Variants in SELENOI observed in about 807,000 individuals in gnomAD.
SELENOI encodes ethanolaminephosphotransferase 1.
A neutral mutation model predicts 50.7 loss-of-function variants in SELENOI; 24 were observed. The observed-to-expected ratio is 0.47, with a 90% CI of 0.34 to 0.67. The LOEUF is 0.67. SELENOI is among the 30% of genes least tolerant of loss of function. The pLI, the probability that SELENOI is intolerant of heterozygous loss-of-function variation, is 0.01. For synonymous variants in SELENOI, 155 were observed against 170.2 expected, an observed-to-expected ratio of 0.91 and a Z score of 0.70; for missense variants, 352 against 461.4, an observed-to-expected ratio of 0.76 and a Z score of 2.17.
At chr2:26,374,981 A>G in intron 5 of SELENOI, 59 bp from the exon 6 acceptor site, 1 of 1,142,072 alleles carries the variant, frequency 8.8e-7, no homozygotes, top group South Asian at 1.3e-5. Context: ...AAGCATGGTG[A>G]CTCCTGATCT....
intron 5 of SELENOI, 42 bp from the exon 6 acceptor site, chr2:26,374,998 C>A: frequency 1.5e-6 from 2 of 1,346,902 alleles, no homozygotes; most frequent in Non-Finnish European, 2.1e-6. Flanking sequence ...ATCTTTCTAG[C>A]GTTAATGCTT....
chr2:26,386,033 T>A (rs998484614), intron 8 of SELENOI, among the ~76,000 whole-genome samples: 5 of 152,010 alleles, frequency 3.3e-5, no homozygotes, highest in Admixed American at 3.3e-4. Context: ...TTTTTTTTTT[T>A]AACATATCGT....
intron 1 of SELENOI, among the ~76,000 whole-genome samples, chr2:26,355,641 G>A (rs570898108): frequency 1.4e-4 from 21 of 150,950 alleles, no homozygotes; most frequent in Admixed American, 4.0e-4. Context: ...TCCTCTCTCC[G>A]ACTTGTTAGA....
At chr2:26,365,439 C>T (rs1677267101) in intron 3 of SELENOI, among the ~76,000 whole-genome samples, 1 of 152,208 alleles carries the variant, frequency 6.6e-6, no homozygotes, top group South Asian at 2.1e-4. Flanking sequence ...TGCTCCTGCC[C>T]TCTGCTCCAA....
intron 9 of SELENOI, among the ~76,000 whole-genome samples, chr2:26,388,015 T>A (rs1677882582): frequency 1.3e-5 from 2 of 152,232 alleles, no homozygotes; most frequent in African/African-American, 2.4e-5. Context: ...CTTCCCTTAG[T>A]GTTTCTCTAC....
chr2:26,371,382 A>G (rs377258017), intron 4 of SELENOI, among the ~76,000 whole-genome samples: 60 of 113,254 alleles, frequency 5.3e-4, no homozygotes, highest in South Asian at 1.5e-3. Context: ...GACGATGGGC[A>G]GCCGGGCAGA....
chr2:26,368,617 G>A (rs1677339782), intron 4 of SELENOI, among the ~76,000 whole-genome samples: 1 of 152,022 alleles, frequency 6.6e-6, no homozygotes, highest in Non-Finnish European at 1.5e-5. Flanking sequence ...GTCCTACTGG[G>A]GAGTCTCTGA....
intron 1 of SELENOI, among the ~76,000 whole-genome samples, chr2:26,355,453 T>TG (rs1315416638): frequency 6.6e-6 from 1 of 152,220 alleles, no homozygotes; most frequent in Non-Finnish European, 1.5e-5. Flanking sequence ...TTCCATGTGT[T>TG]TGATATCCAA....
intron 6 of SELENOI, among the ~76,000 whole-genome samples, chr2:26,381,337 T>C (rs1028950842): frequency 1.3e-5 from 2 of 151,056 alleles, no homozygotes; most frequent in African/African-American, 4.9e-5. Flanking sequence ...ATGGTCTCTA[T>C]CACTGTTCTC....
At chr2:26,385,226 T>A (rs931809648) in intron 8 of SELENOI, 87 bp downstream of exon 8, 29 of 798,002 alleles carry the variant, frequency 3.6e-5, no homozygotes, top group Admixed American at 7.8e-5. Context: ...AATATTAGAA[T>A]AAACAGATTT....
Position 26,395,513 on chromosome 2 carries a change from T to C in SELENOI, c.*6410T>C, listed in dbSNP as rs1469170516. 1 of 152,688 alleles carries C rather than the reference T, an allele frequency of 6.5e-6. No individual in the cohort carries two copies. The highest frequency in any genetic ancestry group is 1.5e-5 in the Non-Finnish European group (1 of 68,058). The allele number at this position is 152,688 out of a possible 1,614,324, so 9.5% of individuals were successfully genotyped here. A position where few individuals can be genotyped will look rare whatever the true frequency, so the allele number is the denominator to read the frequency against. On this transcript the variant is annotated 3_prime_UTR_variant, in exon 10 of 10. Transcript: ENST00000260585. ...GGCCAGAGGGTGGCTCTGGGAGCAG[T>C]TGTGCTGCGGGCTTGCTGGGGGAGA...
intron 1 of SELENOI, among the ~76,000 whole-genome samples, chr2:26,354,644 G>T (rs1677029778): frequency 6.6e-6 from 1 of 152,034 alleles, no homozygotes; most frequent in Non-Finnish European, 1.5e-5. Flanking sequence ...GCCCGCCTTG[G>T]CCTTCCAAAG....
In SELENOI at chr2:26,373,581, T is replaced by A; in HGVS notation, c.525T>A (p.Tyr175Ter). The A allele has an allele frequency of 6.2e-7, 1 of 1,613,968 alleles. No homozygotes were observed. The highest frequency in any genetic ancestry group is 1.1e-5 in the South Asian group (1 of 91,058). The change falls in exon 5 of 10, where the codon TAT becomes TAA. Residue 175 changes from tyrosine to a stop codon, truncating the protein, a stop_gained. Coordinates refer to ENST00000260585, the MANE Select transcript of SELENOI (RefSeq NM_033505.4). LOFTEE classifies it high-confidence loss of function. The stretch of plus-strand genomic sequence containing the variant: ...TCATCCTGTCCCACTGGGAAAAGTA[T>A]AACACAGGGATTCTTTTCCTGCCAT... ...FSFILSHWEK[Y>*]NTGILFLPWG...
rs780551569 is a variant in SELENOI, at chr2:26,375,058, A to G, written c.592A>G (p.Ile198Val). The G allele has an allele frequency of 1.2e-5, 20 of 1,612,804 alleles. No homozygotes were observed. The highest frequency in any genetic ancestry group is 2.7e-5 in the African/African-American group (2 of 74,904). ...ISQVTISFVY[I>V]VTAVVGVEAW... ...CTTCCAGACTATTTCTTTTGTCTAC[A>G]TAGTGACTGCAGTTGTGGGAGTTGA... is the stretch of plus-strand genomic sequence containing the variant. Residue 198 changes from isoleucine (I) to valine (V), a missense_variant, in exon 6 of 10, where the codon ATA becomes GTA. Physicochemically the swap from Ile to Val is conservative, Grantham distance 29 (BLOSUM62 3). Coordinates refer to ENST00000260585, the MANE Select transcript of SELENOI (RefSeq NM_033505.4).
At chr2:26,348,388 G>C (rs1676859822) in intron 1 of SELENOI, among the ~76,000 whole-genome samples, 1 of 152,224 alleles carries the variant, frequency 6.6e-6, no homozygotes, top group Non-Finnish European at 1.5e-5. Context: ...TTTTGAAGTA[G>C]TTTAATTTAT....
At chr2:26,364,080 T>C (rs1403145095) in intron 1 of SELENOI, among the ~76,000 whole-genome samples, 106 of 31,564 alleles carry the variant, frequency 3.4e-3, no homozygotes, top group African/African-American at 0.019. Context: ...TTCTCCCCCT[T>C]TTTTTTTTTT....
intron 1 of SELENOI, among the ~76,000 whole-genome samples, chr2:26,352,565 C>T (rs2147943706): frequency 6.6e-6 from 1 of 152,256 alleles, no homozygotes; most frequent in East Asian, 1.9e-4. Context: ...GCAGGTGGAT[C>T]ACGAGGTCAG....
rs558721503 is a variant in SELENOI at position 26,364,010 on chromosome 2, T to A, written c.58-292T>A. Among the ~76,000 whole-genome samples, 16 of 152,150 alleles carry A rather than the reference T, an allele frequency of 1.1e-4. No individual in the cohort carries two copies. The South Asian group carries it at 3.3e-3, about 32-fold the overall frequency. On this transcript the variant is annotated intron_variant, in intron 1 of 9. Coordinates refer to ENST00000260585, the MANE Select transcript of SELENOI (RefSeq NM_033505.4). ...GCCTGCCTTGACCTTCCCGAAGTGCTAGGATTATAGGTGTGAGCCACCATG... is the reference window on the plus strand; with the variant it reads ...GCCTGCCTTGACCTTCCCGAAGTGCAAGGATTATAGGTGTGAGCCACCATG...
At chr2:26,370,436 T>C (rs1263921909) in intron 4 of SELENOI, among the ~76,000 whole-genome samples, 15 of 148,146 alleles carry the variant, frequency 1.0e-4, no homozygotes, top group African/African-American at 3.5e-4. Flanking sequence ...TAGGGGCGGC[T>C]GGGCAGAGGC....
Sources: allele counts gnomAD v4.1 joint callset (sites outside exome capture counted in the v4.1 genomes callset), GRCh38; gene constraint gnomAD v4.1.1; transcripts MANE v1.5; gene names NCBI Gene and HGNC (gene_info 2026-07-23, HGNC 2026-07-21).